CFAP299: variants seen among roughly 807,000 people sequenced by gnomAD.
CFAP299 encodes cilia and flagella associated protein 299, also known as cilia- and flagella-associated protein 299.
A neutral mutation model predicts 27.0 loss-of-function variants in CFAP299; 21 were observed. The ratio of observed to expected loss-of-function variants is 0.78; its 90% CI spans 0.55 to 1.12. The LOEUF is 1.12. CFAP299 is among the 50% of genes most tolerant of loss of function. The probability of loss-of-function intolerance (pLI) is 0.00; values close to 1 mark genes in which losing one functional copy is unlikely to be tolerated. For synonymous variants in CFAP299, 104 were observed against 98.1 expected, an observed-to-expected ratio of 1.06 and a Z score of -0.36; for missense variants, 310 against 276.6, an observed-to-expected ratio of 1.12 and a Z score of -0.86.
intron 3 of CFAP299, among the ~76,000 whole-genome samples, chr4:80,864,057 G>A (rs536227091): frequency 6.6e-6 from 1 of 152,112 alleles, no homozygotes; most frequent in South Asian, 2.1e-4. Context: ...GATCTCTTGG[G>A]AGTGATGAGA....
At chr4:80,571,455 A>G (rs1735576483) in intron 2 of CFAP299, among the ~76,000 whole-genome samples, 1 of 152,018 alleles carries the variant, frequency 6.6e-6, no homozygotes, top group South Asian at 2.1e-4. Context: ...AGCTCACATG[A>G]TGAAAAAAAC....
chr4:80,696,897 CAT>C (rs1491250611), intron 3 of CFAP299, among the ~76,000 whole-genome samples: 1 of 152,160 alleles, frequency 6.6e-6, no homozygotes, highest in African/African-American at 2.4e-5. Flanking sequence ...AGAAGCAAAT[CAT>C]ATGTGATCTT....
intron 4 of CFAP299, among the ~76,000 whole-genome samples, chr4:80,935,940 A>G (rs957239743): frequency 2.0e-5 from 3 of 152,160 alleles, no homozygotes; most frequent in Admixed American, 2.0e-4. Context: ...ACATACATGC[A>G]GCCAACAAGC....
intron 2 of CFAP299, among the ~76,000 whole-genome samples, chr4:80,409,520 AT>A (rs1726604047): frequency 6.6e-6 from 1 of 152,208 alleles, no homozygotes; most frequent in Non-Finnish European, 1.5e-5. Context: ...TCATTCTCAA[AT>A]TAGAAAAAAA....
chr4:80,776,359 A>G (rs1366141960), intron 3 of CFAP299, among the ~76,000 whole-genome samples: 1 of 152,026 alleles, frequency 6.6e-6, no homozygotes, highest in Non-Finnish European at 1.5e-5. Context: ...GTGCTTCTTA[A>G]CTTGGGGTCA....
chr4:80,824,261 T>C (rs1729861564), intron 3 of CFAP299, among the ~76,000 whole-genome samples: 1 of 152,108 alleles, frequency 6.6e-6, no homozygotes, highest in Admixed American at 6.6e-5. Flanking sequence ...TTAATTGTAG[T>C]AAATTTTAGT....
chr4:80,365,282 C>T (rs1263943874), intron 2 of CFAP299, among the ~76,000 whole-genome samples: 1 of 152,134 alleles, frequency 6.6e-6, no homozygotes, highest in Non-Finnish European at 1.5e-5. Flanking sequence ...TTAATAATCA[C>T]CATTCTGACT....
chr4:80,785,928 A>T (rs1727222978), intron 3 of CFAP299, among the ~76,000 whole-genome samples: 1 of 152,130 alleles, frequency 6.6e-6, no homozygotes, highest in Non-Finnish European at 1.5e-5. Context: ...ATATTTTTTG[A>T]GGTACACTTC....
At chr4:80,360,400 C>T (rs1723484214) in intron 1 of CFAP299, among the ~76,000 whole-genome samples, 1 of 152,194 alleles carries the variant, frequency 6.6e-6, no homozygotes, top group Non-Finnish European at 1.5e-5. Context: ...CTTCTCTCTG[C>T]TCTGCAAGCA....
intron 3 of CFAP299, among the ~76,000 whole-genome samples, chr4:80,690,951 G>A (rs1460062914): frequency 2.0e-5 from 3 of 149,742 alleles, no homozygotes; most frequent in Admixed American, 6.7e-5. Context: ...AGAAGAAATG[G>A]ATAAATTCCT....
intron 2 of CFAP299, among the ~76,000 whole-genome samples, chr4:80,430,089 A>G (rs995579779): frequency 2.0e-5 from 3 of 152,056 alleles, no homozygotes; most frequent in African/African-American, 7.2e-5. Context: ...ATTTTCCATT[A>G]TATTTTATTT....
chr4:80,398,176 C>A (rs192310736), intron 2 of CFAP299, among the ~76,000 whole-genome samples: 1 of 151,822 alleles, frequency 6.6e-6, no homozygotes, highest in African/African-American at 2.4e-5. Context: ...CACTGCTCAA[C>A]GAAATAAAAG....
At chr4:80,389,467 T>C (rs956769398) in intron 2 of CFAP299, among the ~76,000 whole-genome samples, 1 of 152,148 alleles carries the variant, frequency 6.6e-6, no homozygotes, top group Non-Finnish European at 1.5e-5. Flanking sequence ...CTGTGGAACA[T>C]TGTAGTCCAA....
Position 80,344,260 on chromosome 4 carries a change from T to TA in CFAP299, c.111+8391dup, listed in dbSNP as rs59499260. On this transcript the variant is annotated intron_variant, in intron 1 of 5. Transcript: ENST00000358105. ...ATAGATAGACTGCTACCTAGACTAG[T>TA]AAAAAAAAAAGAGAGAGAGAGAGAA... 1.0e-3 allele frequency among the ~76,000 whole-genome samples: 142 copies of TA among 142,630 alleles called. 1 individual carries two copies. The highest frequency in any genetic ancestry group is 2.3e-3 in the African/African-American group (89 of 38,802). The allele number at this position is 142,630 out of a possible 152,430, so 93.6% of individuals were successfully genotyped here. A position where few individuals can be genotyped will look rare whatever the true frequency, so the allele number is the denominator to read the frequency against.
chr4:80,892,781 G>A (rs1560465807), intron 4 of CFAP299, among the ~76,000 whole-genome samples: 1 of 151,940 alleles, frequency 6.6e-6, no homozygotes, highest in Non-Finnish European at 1.5e-5. Context: ...ATATTCGATG[G>A]CGAAAAACCG....
At chr4:80,604,450 G>A (rs1384737853) in intron 3 of CFAP299, among the ~76,000 whole-genome samples, 1 of 152,130 alleles carries the variant, frequency 6.6e-6, no homozygotes, top group African/African-American at 2.4e-5. Context: ...GGTACATCTT[G>A]ATGTCTTGAC....
In CFAP299 at chr4:80,533,035, CA is replaced by C. The variant is rs1733553610; in HGVS notation, c.243-50056del. Among the ~76,000 whole-genome samples, 3 of 152,266 alleles carry C rather than the reference CA, an allele frequency of 2.0e-5. No homozygotes were observed. The South Asian group carries it at 6.2e-4, about 32-fold the overall frequency. On this transcript the variant is annotated intron_variant, in intron 2 of 5. Transcript: ENST00000358105. ...TTTTGTGTGTCTATTTCCCATCTAA[CA>C]ATATCCCAACCTTATGTATACTAAG... is the stretch of plus-strand genomic sequence containing the variant.
At chr4:80,548,267 G>A (rs1187164638) in intron 2 of CFAP299, among the ~76,000 whole-genome samples, 3 of 152,108 alleles carry the variant, frequency 2.0e-5, no homozygotes, top group Non-Finnish European at 4.4e-5. Flanking sequence ...TATGCTAAGT[G>A]AACTAATGCA....
intron 3 of CFAP299, among the ~76,000 whole-genome samples, chr4:80,777,132 T>C (rs1287739595): frequency 6.6e-6 from 1 of 152,140 alleles, no homozygotes; most frequent in Non-Finnish European, 1.5e-5. Flanking sequence ...AAGGTGACCA[T>C]GCACTCCAAA....
Sources: gnomAD v4.1 joint callset for allele counts (sites outside exome capture counted in the v4.1 genomes callset) on GRCh38, gnomAD v4.1.1 for gene constraint, MANE v1.5 for transcripts, NCBI Gene and HGNC (gene_info 2026-07-23, HGNC 2026-07-21) for gene names.